ZNF385D: variants seen among roughly 807,000 people sequenced by gnomAD.
The protein encoded by ZNF385D is zinc finger protein 385D, also known as zinc finger protein 659.
Under a neutral mutation model 35.8 loss-of-function variants are expected in ZNF385D, and 15 were observed. The observed-to-expected ratio is 0.42, with a 90% CI of 0.28 to 0.64. The LOEUF (loss-of-function observed/expected upper bound fraction) is 0.64. ZNF385D is among the 30% of genes least tolerant of loss of function. ZNF385D has a pLI of 0.23. For missense variants in ZNF385D, 474 were observed against 494.6 expected (o/e 0.96, Z 0.39); for synonymous variants, 212 against 186.8 (o/e 1.13, Z -1.10).
intron 3 of ZNF385D, among the ~76,000 whole-genome samples, chr3:22,163,472 G>A (rs956132268): frequency 2.1e-4 from 32 of 152,128 alleles, no homozygotes; most frequent in Middle Eastern, 3.2e-3. Context: ...ACGTAAATAT[G>A]TAAAACATAT....
intron 1 of ZNF385D, among the ~76,000 whole-genome samples, chr3:21,712,406 C>A (rs915684336): frequency 4.1e-4 from 63 of 152,162 alleles, no homozygotes; most frequent in African/African-American, 1.4e-3. Flanking sequence ...ATTGAACTCA[C>A]GGTCTCTTCT....
chr3:21,627,692 T>C (rs1190629522), intron 2 of ZNF385D, among the ~76,000 whole-genome samples: 1 of 152,104 alleles, frequency 6.6e-6, no homozygotes, highest in East Asian at 1.9e-4. Context: ...TGCAATAGTA[T>C]GTCTACATGA....
At chr3:22,086,231 G>C (rs576895785) in intron 3 of ZNF385D, among the ~76,000 whole-genome samples, 72 of 152,212 alleles carry the variant, frequency 4.7e-4, no homozygotes, top group Non-Finnish European at 8.8e-4. Context: ...AGAAATAAAG[G>C]GTATTCAATT....
chr3:21,586,038 C>T (rs1345067884), intron 2 of ZNF385D, among the ~76,000 whole-genome samples: 1 of 84,798 alleles, frequency 1.2e-5, no homozygotes, highest in Non-Finnish European at 2.3e-5. Flanking sequence ...AATACAAATA[C>T]ATACACACAC....
intron 2 of ZNF385D, among the ~76,000 whole-genome samples, chr3:22,244,364 T>TAAAAAAAAA (rs34497539): frequency 1.8e-4 from 11 of 62,560 alleles, no homozygotes; most frequent in Non-Finnish European, 2.5e-4. Flanking sequence ...CAACCGAATG[T>TAAAAAAAAA]AAAAAAAAAA....
chr3:22,303,881 G>A (rs139938658), intron 2 of ZNF385D, among the ~76,000 whole-genome samples: 3,124 of 152,136 alleles, frequency 0.021, 100 homozygotes, highest in African/African-American at 0.07. Flanking sequence ...AGGTTCAAGC[G>A]ATTCTTCTGC....
chr3:22,338,820 C>T (rs973646803), intron 2 of ZNF385D, among the ~76,000 whole-genome samples: 2 of 151,226 alleles, frequency 1.3e-5, no homozygotes, highest in African/African-American at 4.9e-5. Context: ...CCTGCCTCAG[C>T]CTCCTGGGTA....
intron 3 of ZNF385D, among the ~76,000 whole-genome samples, chr3:22,020,398 A>C (rs1697153516): frequency 6.6e-6 from 1 of 151,938 alleles, no homozygotes; most frequent in African/African-American, 2.4e-5. Flanking sequence ...ACATAAGACA[A>C]GATAAGTTCT....
intron 2 of ZNF385D, among the ~76,000 whole-genome samples, chr3:22,272,521 C>G (rs1185421440): frequency 6.6e-6 from 1 of 151,962 alleles, no homozygotes; most frequent in Non-Finnish European, 1.5e-5. Context: ...CTGATTTCCT[C>G]AGGGAGCAGA....
rs181213451 is a variant in ZNF385D, at chr3:21,777,366, C to T, written c.326-112338G>A. ...CTACTCCACATCCTCCCTAAATGCC[C>T]TCTCTCTCTACCGAGGTTGGGGCAG... On this transcript the variant is annotated intron_variant, in intron 3 of 5. Coordinates refer to the ZNF385D transcript ENST00000494108. Among the ~76,000 whole-genome samples the T allele has an allele frequency of 1.4e-3, 213 of 151,982 alleles. 1 individual carries two copies. Among genetic ancestry groups the T allele is most frequent in the African/African-American group, 4.7e-3 (196 of 41,486 alleles).
intron 3 of ZNF385D, among the ~76,000 whole-genome samples, chr3:22,041,034 G>C (rs765131911): frequency 1.9e-4 from 29 of 151,896 alleles, no homozygotes; most frequent in Non-Finnish European, 3.5e-4. Flanking sequence ...ATAACCTAAA[G>C]GACAACATTA....
At position 22,123,958 on chromosome 3, in the gene ZNF385D, CTCTCTATATA is replaced by C. The variant is rs1211746918; in HGVS notation, c.325+44849_325+44858del. Among the ~76,000 whole-genome samples, 723 of 79,660 alleles carry C rather than the reference CTCTCTATATA, an allele frequency of 9.1e-3. 9 individuals are homozygous for C. The highest frequency in any genetic ancestry group is 0.089 in the East Asian group (272 of 3,060). The allele number at this position is 79,660 out of a possible 152,430, so 52.3% of individuals were successfully genotyped here. The stretch of plus-strand genomic sequence containing the variant: ...TCTCTCTCTCTCTCTCTCTCTCTCT[CTCTCTATATA>C]TATATATATATATATATATATTGCT... On this transcript the variant is annotated intron_variant, in intron 3 of 5. Transcript: ENST00000494108.
intron 3 of ZNF385D, among the ~76,000 whole-genome samples, chr3:21,945,072 C>T (rs915176028): frequency 2.0e-5 from 3 of 151,524 alleles, no homozygotes; most frequent in South Asian, 2.1e-4. Flanking sequence ...ATACTAAATG[C>T]GTATATTCAC....
At chr3:22,217,657 T>C (rs898831969) in intron 2 of ZNF385D, among the ~76,000 whole-genome samples, 3 of 152,134 alleles carry the variant, frequency 2.0e-5, no homozygotes, top group African/African-American at 7.2e-5. Context: ...TCATAATTAA[T>C]AACATTCTAA....
intron 3 of ZNF385D, among the ~76,000 whole-genome samples, chr3:21,840,781 A>G (rs569616310): frequency 2.0e-5 from 3 of 151,810 alleles, no homozygotes; most frequent in Non-Finnish European, 4.4e-5. Context: ...TCATTCAAAA[A>G]AGTTTGATAA....
At chr3:21,920,714 G>C (rs1307075859) in intron 3 of ZNF385D, among the ~76,000 whole-genome samples, 1 of 150,940 alleles carries the variant, frequency 6.6e-6, no homozygotes, top group Admixed American at 6.6e-5. Context: ...AAATATAATT[G>C]ATGAAGTTAG....
chr3:22,094,096 C>G (rs943296784), intron 3 of ZNF385D, among the ~76,000 whole-genome samples: 1 of 151,932 alleles, frequency 6.6e-6, no homozygotes, highest in Non-Finnish European at 1.5e-5. Context: ...CTGTTGAATT[C>G]TCTAAGTTAT....
intron 2 of ZNF385D, among the ~76,000 whole-genome samples, chr3:22,287,053 T>C (rs1702061178): frequency 6.6e-6 from 1 of 152,124 alleles, no homozygotes; most frequent in Admixed American, 6.6e-5. Flanking sequence ...ATTTATGTGC[T>C]CTGATGTTGG....
At chr3:21,888,323 A>T (rs1342966402) in intron 3 of ZNF385D, among the ~76,000 whole-genome samples, 1 of 152,180 alleles carries the variant, frequency 6.6e-6, no homozygotes, top group East Asian at 1.9e-4. Flanking sequence ...GAGAGAAAGT[A>T]AAAAAGTAAT....
Sources: allele counts gnomAD v4.1 joint callset (sites outside exome capture counted in the v4.1 genomes callset), GRCh38; gene constraint gnomAD v4.1.1; transcripts MANE v1.5; gene names NCBI Gene and HGNC (gene_info 2026-07-23, HGNC 2026-07-21).